AGMAT: variants seen among roughly 807,000 people sequenced by gnomAD.
AGMAT encodes the protein guanidino acid hydrolase, mitochondrial.
AGMAT carries 37 observed loss-of-function variants against 29.3 expected under a neutral mutation model. The observed-to-expected ratio is 1.26, with a 90% CI of 0.97 to 1.66. The LOEUF is 1.66. Ranked by LOEUF, AGMAT falls within the 40% of genes most tolerant of loss-of-function variation. The pLI, the probability that AGMAT is intolerant of heterozygous loss-of-function variation, is 0.00. For missense variants in AGMAT, 498 were observed against 497.8 expected, an observed-to-expected ratio of 1.00 and a Z score of 0.00; for synonymous variants, 199 against 200.8, an observed-to-expected ratio of 0.99 and a Z score of 0.08.
Position 15,580,085 on chromosome 1 carries a change from G to C in AGMAT, c.524+9C>G, listed in dbSNP as rs1018495906. 6.2e-7 allele frequency: 1 copy of C among 1,612,982 alleles called. No individual in the cohort carries two copies. The highest frequency in any genetic ancestry group is 1.1e-5 in the South Asian group (1 of 91,048). ...AAATCTTGCTGGGCCCAAGCCATTT[G>C]AGACTTACTTTTTTGCCATCGCTTG... On this transcript the variant is annotated intron_variant, in intron 3 of 6. Coordinates refer to ENST00000375826, the MANE Select transcript of AGMAT (RefSeq NM_024758.5).
chr1:15,576,536 TCTC>T (rs1441161411), intron 5 of AGMAT, among the ~76,000 whole-genome samples: 2 of 151,436 alleles, frequency 1.3e-5, no homozygotes, highest in African/African-American at 4.9e-5. Context: ...TTCAAGCAAT[TCTC>T]CTGCCTCAGC....
At chr1:15,578,029 T>C (rs1639062903) in intron 4 of AGMAT, among the ~76,000 whole-genome samples, 165 bp from the exon 5 acceptor site, 1 of 152,190 alleles carries the variant, frequency 6.6e-6, no homozygotes, top group African/African-American at 2.4e-5. Context: ...CAATGAGTGG[T>C]AAGGAAGCAG....
Position 15,580,158 on chromosome 1 carries a change from AG to A in AGMAT, c.476-17del. 6.2e-7 allele frequency: 1 copy of A among 1,605,152 alleles called. No individual in the cohort carries two copies. The highest frequency in any genetic ancestry group is 8.5e-7 in the Non-Finnish European group (1 of 1,172,046). On this transcript the variant is annotated splice_polypyrimidine_tract_variant and intron_variant, in intron 2 of 6. Coordinates refer to ENST00000375826, the MANE Select transcript of AGMAT (RefSeq NM_024758.5). ...TGATCTCCACCTGCAAAGAGGAAGA[AG>A]AAAACATCTGGAAAGTGAATTGGAG...
chr1:15,580,763 G>GT (rs1165044482), intron 2 of AGMAT, among the ~76,000 whole-genome samples: 1 of 151,816 alleles, frequency 6.6e-6, no homozygotes, highest in Admixed American at 6.6e-5. Context: ...GTCACCTGAT[G>GT]TTGGGAGTTC....
At chr1:15,578,807 C>T (rs1639073193) in intron 4 of AGMAT, 52 bp downstream of exon 4, 13 of 1,586,982 alleles carry the variant, frequency 8.2e-6, no homozygotes, top group Middle Eastern at 1.7e-4. Context: ...GGTGAGGCAA[C>T]GGAGAGGAAG....
chr1:15,574,816 T>C lies in AGMAT; in HGVS notation c.926A>G (p.Gln309Arg), dbSNP rs767857020. Residue 309 changes from glutamine to arginine, a missense_variant, in exon 6 of 7, where the codon CAA becomes CGA. Coordinates refer to ENST00000375826, the MANE Select transcript of AGMAT (RefSeq NM_024758.5). ...SQALEIIRGC[Q>R]GLNVMGCDLV... Reference sequence around the variant, plus strand: ...ATCACAGCCCATCACGTTCAGGCCTTGACAACCCCTGATGATCTCCAGAGC... The same window carrying C: ...ATCACAGCCCATCACGTTCAGGCCTCGACAACCCCTGATGATCTCCAGAGC... 1.2e-6 allele frequency: 2 copies of C among 1,613,830 alleles called. No homozygotes were observed. Among genetic ancestry groups the C allele is most frequent in the Non-Finnish European group, 1.7e-6 (2 of 1,179,770 alleles).
chr1:15,584,787 G>C lies in AGMAT; in HGVS notation c.181C>G (p.Arg61Gly). The C allele has an allele frequency of 7.2e-7, 1 of 1,380,152 alleles. No homozygotes were observed. Among genetic ancestry groups the C allele is most frequent in the Non-Finnish European group, 9.4e-7 (1 of 1,067,082 alleles). The allele number at this position is 1,380,152 out of a possible 1,614,324, so 85.5% of individuals were successfully genotyped here. A position where few individuals can be genotyped will look rare whatever the true frequency, so the allele number is the denominator to read the frequency against. ...ARPVGVCSMM[R>G]LPVQTSPEGL... The stretch of plus-strand genomic sequence containing the variant: ...TCGGGGGAGGTCTGCACCGGCAGGC[G>C]CATCATGGAGCAGACGCCCACCGGC... The change falls in exon 1 of 7, where the codon CGC becomes GGC. Residue 61 changes from arginine to glycine, a missense_variant. Physicochemically the swap from Arg to Gly is moderately radical, Grantham distance 125. Transcript: ENST00000375826.
chr1:15,574,323 T>C (rs1374242380), intron 6 of AGMAT, among the ~76,000 whole-genome samples: 2 of 152,042 alleles, frequency 1.3e-5, no homozygotes, highest in Non-Finnish European at 2.9e-5. Context: ...ATAGGTGTGT[T>C]TTCTTCACCA....
chr1:15,574,408 C>T (rs1639002117), intron 6 of AGMAT, among the ~76,000 whole-genome samples: 1 of 147,756 alleles, frequency 6.8e-6, no homozygotes, highest in East Asian at 2.0e-4. Context: ...GATGGAGTCT[C>T]GCTCTGTCAC....
In AGMAT at chr1:15,583,323, G is replaced by A. The variant is rs1173560569; in HGVS notation, c.345C>T (p.Pro115=). ...GTVNPSTGAL[P]FQSLMVADLG... Reference sequence around the variant, plus strand: ...GGTCTGCAACCATGAGGGACTGGAAGGGGAGGGCCCCCGTGCTAGGATTGA... The same window carrying A: ...GGTCTGCAACCATGAGGGACTGGAAAGGGAGGGCCCCCGTGCTAGGATTGA... The change falls in exon 2 of 7, where the codon CCC becomes CCT. Residue 115 remains proline, a synonymous_variant. Transcript: ENST00000375826. 3 of 1,614,060 alleles carry A rather than the reference G, an allele frequency of 1.9e-6. No homozygotes were observed. Among genetic ancestry groups the A allele is most frequent in the Middle Eastern group, 1.6e-4 (1 of 6,076 alleles).
rs1192855678 is a variant in AGMAT at position 15,572,234 on chromosome 1, G to GT, written c.*1416dup. 1 of 139,070 alleles carries GT rather than the reference G, an allele frequency of 7.2e-6. No homozygotes were observed. The highest frequency in any genetic ancestry group is 1.5e-5 in the Non-Finnish European group (1 of 64,922). 8.6% of individuals were successfully genotyped at this position (139,070 alleles called of 1,614,324 possible). A position where few individuals can be genotyped will look rare whatever the true frequency, so the allele number is the denominator to read the frequency against. Reference sequence around the variant, plus strand: ...TTTTTGTTTTGTTTTGTTTTGTTTTGTTTTTTAGTAGAGACGGGGTTTCAC... The same window carrying GT: ...TTTTTGTTTTGTTTTGTTTTGTTTTGTTTTTTTAGTAGAGACGGGGTTTCAC... On this transcript the variant is annotated 3_prime_UTR_variant, in exon 7 of 7. Transcript: ENST00000375826.
intron 1 of AGMAT, among the ~76,000 whole-genome samples, chr1:15,584,205 C>T (rs1182270182): frequency 6.6e-6 from 1 of 152,216 alleles, no homozygotes; most frequent in Admixed American, 6.5e-5. Flanking sequence ...CGCAGTGGCG[C>T]AATCTCAGCT....
rs116166740 is a variant in AGMAT, at chr1:15,581,220, C to T, written c.476-1078G>A. Among the ~76,000 whole-genome samples the T allele has an allele frequency of 3.0e-3, 461 of 152,012 alleles. 3 individuals carry two copies. The highest frequency in any genetic ancestry group is 0.01 in the African/African-American group (435 of 41,450). Reference sequence around the variant, plus strand: ...AAAATTAGCTGGGCATGGTGACAAACGCCTGTAGACCCAGCTACTCGGGAG... The same window carrying T: ...AAAATTAGCTGGGCATGGTGACAAATGCCTGTAGACCCAGCTACTCGGGAG... On this transcript the variant is annotated intron_variant, in intron 2 of 6. Coordinates refer to ENST00000375826, the MANE Select transcript of AGMAT (RefSeq NM_024758.5).
rs906273555 is a variant in AGMAT at position 15,573,367 on chromosome 1, A to G, written c.*284T>C. ...TCTAATGTTTAGATAATCTTGAAAG[A>G]AATTCTCCTCACTTCCCCTTTATCC... On this transcript the variant is annotated 3_prime_UTR_variant, in exon 7 of 7. Coordinates refer to ENST00000375826, the MANE Select transcript of AGMAT (RefSeq NM_024758.5). The G allele has an allele frequency of 6.0e-6, 2 of 331,236 alleles. No homozygotes were observed. Among genetic ancestry groups the G allele is most frequent in the African/African-American group, 4.1e-5 (2 of 48,522 alleles). The allele number at this position is 331,236 out of a possible 1,614,324, so 20.5% of individuals were successfully genotyped here.
rs565367207 is a variant in AGMAT at position 15,581,431 on chromosome 1, C to T, written c.476-1289G>A. ...CTTTTCACAGTATTCTAGGAAAATG[C>T]CTAGAATAGCTCTGTTCAATAGAAC... On this transcript the variant is annotated intron_variant, in intron 2 of 6. Coordinates refer to ENST00000375826, the MANE Select transcript of AGMAT (RefSeq NM_024758.5). Among the ~76,000 whole-genome samples the T allele has an allele frequency of 5.9e-4, 90 of 152,192 alleles. 1 individual carries two copies. The highest frequency in any genetic ancestry group is 2.1e-3 in the African/African-American group (88 of 41,504).
chr1:15,583,096 C>T, intron 2 of AGMAT, 97 bp downstream of exon 2: 1 of 1,113,706 alleles, frequency 9.0e-7, no homozygotes, highest in Admixed American at 2.1e-5. Context: ...TTTGCAGTGG[C>T]TTGCAGGGGA....
chr1:15,578,945 C>A lies in AGMAT; in HGVS notation c.634G>T (p.Gly212Cys), dbSNP rs1376475984. The A allele has an allele frequency of 6.2e-7, 1 of 1,614,152 alleles. No homozygotes were observed. Among genetic ancestry groups the A allele is most frequent in the Non-Finnish European group, 8.5e-7 (1 of 1,180,034 alleles). Residue 212 changes from glycine (G) to cysteine (C), a missense_variant, in exon 4 of 7, where the codon GGT becomes TGT. Physicochemically the swap from Gly to Cys is radical, Grantham distance 159. Coordinates refer to ENST00000375826, the MANE Select transcript of AGMAT (RefSeq NM_024758.5). Reference protein sequence around the residue: ...GAPFRRCVDEGLLDCKRVVQI... With the variant: ...GAPFRRCVDECLLDCKRVVQI... ...ACCACACGCTTACAGTCCAGGAGAC[C>A]CTCATCCACACACCGGCGGAAGGGC...
intron 4 of AGMAT, 134 bp downstream of exon 4, chr1:15,578,725 A>T: frequency 9.9e-7 from 1 of 1,007,932 alleles, no homozygotes; most frequent in East Asian, 2.6e-5. Context: ...GCCCCTGATG[A>T]TGCAAACTCA....
chr1:15,583,105 G>A, intron 2 of AGMAT, 88 bp downstream of exon 2: 4 of 1,222,928 alleles, frequency 3.3e-6, no homozygotes, highest in Non-Finnish European at 3.5e-6. Flanking sequence ...GCTTGCAGGG[G>A]AGAAGTAGCT....
Sources: gnomAD v4.1 joint callset for allele counts (sites outside exome capture counted in the v4.1 genomes callset) on GRCh38, gnomAD v4.1.1 for gene constraint, MANE v1.5 for transcripts, NCBI Gene and HGNC (gene_info 2026-07-23, HGNC 2026-07-21) for gene names.